Variants in OPA1 observed in about 807,000 individuals in gnomAD.
The protein encoded by OPA1 is OPA1 mitochondrial dynamin like GTPase.
A neutral mutation model predicts 152.9 loss-of-function variants in OPA1; 59 were observed. That is an observed-to-expected ratio of 0.39 (90% CI 0.31 to 0.48). OPA1 has a LOEUF of 0.48. Ranked by LOEUF, OPA1 falls within the 20% of genes least tolerant of loss-of-function variation. OPA1 has a pLI of 0.96. For synonymous variants in OPA1, 400 were observed against 389.9 expected (o/e 1.03, Z -0.31); for missense variants, 1,008 against 1,216.8 (o/e 0.83, Z 2.55).
chr3:193,604,424 C>T (rs2108808815), intron 1 of OPA1, among the ~76,000 whole-genome samples: 1 of 152,278 alleles, frequency 6.6e-6, no homozygotes, highest in Admixed American at 6.5e-5. Context: ...CCAGGATCTG[C>T]AATATCCTGC....
chr3:193,664,841 A>C (rs758995337), intron 26 of OPA1, 39 bp from the exon 27 acceptor site: 2 of 1,068,000 alleles, frequency 1.9e-6, no homozygotes, highest in Non-Finnish European at 2.9e-6. Flanking sequence ...AACATGAAGA[A>C]TATACAGTAA....
chr3:193,606,270 ATTTT>A (rs550675763), intron 1 of OPA1, among the ~76,000 whole-genome samples: 1 of 151,644 alleles, frequency 6.6e-6, no homozygotes, highest in African/African-American at 2.4e-5. Context: ...ACTTAAAAAA[ATTTT>A]TTTTTATTAT....
At chr3:193,670,639 T>C (rs1717722145) in intron 29 of OPA1, among the ~76,000 whole-genome samples, 1 of 152,166 alleles carries the variant, frequency 6.6e-6, no homozygotes, top group South Asian at 2.1e-4. Context: ...GTGCTGGAAT[T>C]ATAGGCATGA....
chr3:193,666,398 C>T lies in OPA1; in HGVS notation c.2872+9C>T, dbSNP rs1674497721. Reference sequence around the variant, plus strand: ...ACTTACAAATACTGAAGGTAAGCCACATAGGGACTGCAGTCTTATTTTGAC... The same window carrying T: ...ACTTACAAATACTGAAGGTAAGCCATATAGGGACTGCAGTCTTATTTTGAC... On this transcript the variant is annotated intron_variant, in intron 28 of 30. Transcript: ENST00000361510. 1.3e-6 allele frequency: 2 copies of T among 1,591,722 alleles called. No homozygotes were observed. The highest frequency in any genetic ancestry group is 1.7e-6 in the Non-Finnish European group (2 of 1,159,626).
In OPA1 at chr3:193,692,975, A is replaced by C. The variant is rs116956017; in HGVS notation, c.*5+843A>C. Among the ~76,000 whole-genome samples the C allele has an allele frequency of 4.8e-4, 73 of 152,344 alleles. No individual in the cohort carries two copies. The East Asian group carries it at 0.014, about 29-fold the overall frequency. On this transcript the variant is annotated intron_variant, in intron 30 of 30. Coordinates refer to ENST00000361510, the MANE Select transcript of OPA1 (RefSeq NM_130837.3). Reference sequence around the variant, plus strand: ...GTTTCACCCCGTTGTCCAGGCTGGCATTTGCTTTTATAAAAGAAGTTGAGG... The same window carrying C: ...GTTTCACCCCGTTGTCCAGGCTGGCCTTTGCTTTTATAAAAGAAGTTGAGG...
intron 7 of OPA1, chr3:193,627,122 C>T (rs992342181): frequency 1.3e-5 from 2 of 152,162 alleles, no homozygotes; most frequent in African/African-American, 4.8e-5. Flanking sequence ...AATTCTTGTA[C>T]ATTCTACTAT....
At chr3:193,667,906 T>C (rs546566976) in intron 29 of OPA1, among the ~76,000 whole-genome samples, 5 of 152,274 alleles carry the variant, frequency 3.3e-5, no homozygotes, top group African/African-American at 1.2e-4. Flanking sequence ...TGTTCCAGGC[T>C]CAATACCTGA....
Position 193,609,601 on chromosome 3 carries a change from GA to G in OPA1, c.33-5120del, listed in dbSNP as rs1440733599. Among the ~76,000 whole-genome samples the G allele has an allele frequency of 2.6e-5, 4 of 152,308 alleles. No individual in the cohort carries two copies. The East Asian group carries it at 7.7e-4, about 29-fold the overall frequency. Reference sequence around the variant, plus strand: ...TGTTGGCCTGCCTTGCTAGATTGGGGAAGTTCTCCTGGATAATATCCTGCAG... The same window carrying G: ...TGTTGGCCTGCCTTGCTAGATTGGGGAGTTCTCCTGGATAATATCCTGCAG... On this transcript the variant is annotated intron_variant, in intron 1 of 30. Transcript: ENST00000361510.
At chr3:193,655,719 T>C (rs1713650272) in intron 22 of OPA1, among the ~76,000 whole-genome samples, 1 of 152,210 alleles carries the variant, frequency 6.6e-6, no homozygotes, top group Non-Finnish European at 1.5e-5. Flanking sequence ...CCATGGTAAC[T>C]GCTCAGGGAA....
intron 11 of OPA1, among the ~76,000 whole-genome samples, chr3:193,639,226 A>G (rs1194452967): frequency 1.3e-5 from 2 of 152,216 alleles, no homozygotes; most frequent in Non-Finnish European, 2.9e-5. Context: ...GTAAACAGCA[A>G]CAACAAAGAA....
intron 29 of OPA1, among the ~76,000 whole-genome samples, chr3:193,674,719 A>C (rs889066386): frequency 6.6e-6 from 1 of 152,214 alleles, no homozygotes; most frequent in Non-Finnish European, 1.5e-5. Flanking sequence ...TAATTTCTAC[A>C]GTGACTTCAC....
chr3:193,625,113 A>G (rs928494979), intron 6 of OPA1, among the ~76,000 whole-genome samples: 6 of 152,078 alleles, frequency 3.9e-5, no homozygotes, highest in Non-Finnish European at 8.8e-5. Context: ...TCTTTCTTCC[A>G]CGTTTTTTGA....
Position 193,626,177 on chromosome 3 carries a change from C to T in OPA1, c.764C>T (p.Thr255Met), listed in dbSNP as rs762627425. 1.7e-5 allele frequency: 27 copies of T among 1,613,802 alleles called. 1 individual carries two copies. The highest frequency in any genetic ancestry group is 2.7e-5 in the African/African-American group (2 of 74,894). ...EARRAAGQYS[T>M]SYAQQKRKVS... ...CGCAGAGCCGCTGGCCAATATAGCA[C>T]GAGCTATGCCCAACAGAAGCGCAAG... The change falls in exon 7 of 31, where the codon ACG becomes ATG. Residue 255 changes from threonine to methionine, a missense_variant. Around this residue, in one of 7 missense-constraint regions of OPA1, gnomAD observed 408 missense variants for 395.1 expected, o/e 1.03. Coordinates refer to ENST00000361510, the MANE Select transcript of OPA1 (RefSeq NM_130837.3).
intron 8 of OPA1, among the ~76,000 whole-genome samples, chr3:193,631,947 A>G (rs1277754022): frequency 6.6e-6 from 1 of 152,184 alleles, no homozygotes; most frequent in South Asian, 2.1e-4. Flanking sequence ...TTATGCTTGC[A>G]TTTTTACATT....
rs779375399 is a variant in OPA1, at chr3:193,626,119, C to A, written c.706C>A (p.Gln236Lys). Reference sequence around the variant, plus strand: ...TCTGCTTGGTGAGCTCATTCTCTTACAACAACAAATTCAAGAGCATGAAGA... The same window carrying A: ...TCTGCTTGGTGAGCTCATTCTCTTAAAACAACAAATTCAAGAGCATGAAGA... ...KGLLGELILLQQQIQEHEEEA... is the reference protein window; with the variant it reads ...KGLLGELILLKQQIQEHEEEA... Residue 236 changes from glutamine to lysine, a missense_variant, in exon 7 of 31, where the codon CAA becomes AAA. Physicochemically the swap from Gln to Lys is moderately conservative, Grantham distance 53. Transcript: ENST00000361510. The A allele has an allele frequency of 1.1e-5, 18 of 1,613,960 alleles. No individual in the cohort carries two copies. The South Asian group carries it at 1.9e-4, about 17-fold the overall frequency.
intron 11 of OPA1, among the ~76,000 whole-genome samples, chr3:193,638,679 C>G (rs1013781957): frequency 6.6e-6 from 1 of 152,214 alleles, no homozygotes; most frequent in African/African-American, 2.4e-5. Context: ...AATCAATCTT[C>G]GGCCAACAAC....
rs148310479 is a variant in OPA1 at position 193,637,249 on chromosome 3, G to A, written c.1003G>A (p.Ala335Thr). 10 of 1,607,190 alleles carry A rather than the reference G, an allele frequency of 6.2e-6. No homozygotes were observed. The highest frequency in any genetic ancestry group is 1.7e-5 in the Admixed American group (1 of 59,774). The change falls in exon 10 of 31, where the codon GCC becomes ACC. Residue 335 changes from alanine to threonine, a missense_variant. Ala to Thr is a moderately conservative substitution (Grantham distance 58). This residue lies in a region of OPA1 where 408 missense variants were observed against 395.1 expected (regional missense o/e 1.03). Transcript: ENST00000361510. ...EVLDVLSDYD[A>T]SYNTQDHLPR... is the part of the protein sequence containing the mutation. ...TCTTGATGTTCTCTCTGATTATGAT[G>A]CCAGTTATAATACGCAAGATCATCT...
In OPA1 at chr3:193,697,625, G is replaced by A. The variant is rs1722364300; in HGVS notation, c.*3025G>A. The A allele has an allele frequency of 6.6e-6, 1 of 152,128 alleles. No individual in the cohort carries two copies. Among genetic ancestry groups the A allele is most frequent in the Admixed American group, 6.5e-5 (1 of 15,282 alleles). The allele number at this position is 152,128 out of a possible 1,614,324, so 9.4% of individuals were successfully genotyped here. A position where few individuals can be genotyped will look rare whatever the true frequency, so the allele number is the denominator to read the frequency against. ...CCTAGGGTCATTATTTGACCCCATA[G>A]TATAACCAGATTCATGGTCTAACAA... On this transcript the variant is annotated 3_prime_UTR_variant, in exon 31 of 31. Transcript: ENST00000361510.
At chr3:193,693,580 C>CA (rs1044791931) in intron 30 of OPA1, among the ~76,000 whole-genome samples, 3 of 152,030 alleles carry the variant, frequency 2.0e-5, no homozygotes, top group African/African-American at 7.3e-5. Context: ...GTAGTGGTTG[C>CA]AGTAAGCAGA....
Sources: gnomAD v4.1 joint callset for allele counts (sites outside exome capture counted in the v4.1 genomes callset) on GRCh38, gnomAD v4.1.1 for gene constraint, gnomAD v4.1.1 regional missense constraint, MANE v1.5 for transcripts, NCBI Gene and HGNC (gene_info 2026-07-23, HGNC 2026-07-21) for gene names.